ANO8: variants seen among roughly 807,000 people sequenced by gnomAD.
The protein encoded by ANO8 is anoctamin 8, also known as anoctamin-8.
In ANO8, 67 loss-of-function variants were observed where a neutral mutation model predicts 120.4. The ratio of observed to expected loss-of-function variants is 0.56; its 90% CI spans 0.46 to 0.68. The LOEUF (loss-of-function observed/expected upper bound fraction) is 0.68, where lower values mean the gene tolerates loss of function less well. Among genes scored for constraint, ANO8 ranks in the 30% least tolerant of loss-of-function variants. The pLI, the probability that ANO8 is intolerant of heterozygous loss-of-function variation, is 0.00. For missense variants in ANO8, 1,526 were observed against 1,737.6 expected, an observed-to-expected ratio of 0.88 and a Z score of 2.16; for synonymous variants, 727 against 759.2, an observed-to-expected ratio of 0.96 and a Z score of 0.70.
At position 17,323,620 on chromosome 19, in the gene ANO8, G is replaced by T; in HGVS notation, c.3596C>A (p.Pro1199His). 8.1e-7 allele frequency: 1 copy of T among 1,237,280 alleles called. No homozygotes were observed. The highest frequency in any genetic ancestry group is 1.0e-6 in the Non-Finnish European group (1 of 983,674). 76.6% of individuals were successfully genotyped at this position (1,237,280 alleles called of 1,614,324 possible). The change falls in exon 18 of 18, where the codon CCC (proline) becomes CAC (histidine). Residue 1199 changes from proline (P) to histidine (H), a missense_variant. This residue lies in a region of ANO8 where 489 missense variants were observed against 548.6 expected (regional missense o/e 0.89). Coordinates refer to ENST00000159087, the MANE Select transcript of ANO8 (RefSeq NM_020959.3). The stretch of plus-strand genomic sequence containing the variant: ...ATCCGAGGTGGGCGGTAGCGGTGGG[G>T]GCGGGAGGCTGTAAAAGCTGGCGTC... ...PGDASFYSLP[P>H]PPLPPTSDPL...
At position 17,328,365 on chromosome 19, in the gene ANO8, G is replaced by C; in HGVS notation, c.2023C>G (p.Pro675Ala). Residue 675 changes from proline to alanine, a missense_variant, in exon 13 of 18, where the codon CCG becomes GCG. This residue lies in a region of ANO8 where 467 missense variants were observed against 425.8 expected (regional missense o/e 1.10). Coordinates refer to ENST00000159087, the MANE Select transcript of ANO8 (RefSeq NM_020959.3). ...GAPGSPEREP[P>A]AILFRRAGGE... ...CCGGCCCGGCGGAACAAGATGGCCG[G>C]GGGCTCCCGTTCAGGGCTGCCGGGA... 6.3e-7 allele frequency: 1 copy of C among 1,575,616 alleles called. No homozygotes were observed. Among genetic ancestry groups the C allele is most frequent in the Admixed American group, 1.8e-5 (1 of 54,706 alleles).
rs117413376 is a variant in ANO8 at position 17,331,587 on chromosome 19, G to A, written c.587-176C>T. On this transcript the variant is annotated intron_variant, in intron 5 of 17. Transcript: ENST00000159087. Reference sequence around the variant, plus strand: ...ATCTGATTCTCCTTCAGAAATTGTAGGTGCAGGGGCAGGCGGGGAGAATGT... The same window carrying A: ...ATCTGATTCTCCTTCAGAAATTGTAAGTGCAGGGGCAGGCGGGGAGAATGT... 6.4e-3 allele frequency among the ~76,000 whole-genome samples: 979 copies of A among 152,216 alleles called. 5 individuals carry two copies. The highest frequency in any genetic ancestry group is 9.9e-3 in the Non-Finnish European group (674 of 68,014).
At chr19:17,329,347 GC>G in intron 12 of ANO8, 1 of 339,916 alleles carries the variant, frequency 2.9e-6, no homozygotes, top group Non-Finnish European at 5.4e-6. Context: ...GGCGCGCCAG[GC>G]CCCCAGCACA....
chr19:17,329,277 T>C (rs1216081081), intron 12 of ANO8: 5 of 391,978 alleles, frequency 1.3e-5, no homozygotes, highest in Non-Finnish European at 2.3e-5. Context: ...CCCAGCCGCC[T>C]GCACCTGCTT....
chr19:17,333,840 G>T lies in ANO8; in HGVS notation c.107-40C>A. ...AGCAGGCCCGGGTCAGGCCACTCTG[G>T]GATCCGGACCCGGCCTCCAGTCTTG... On this transcript the variant is annotated intron_variant, in intron 1 of 17. Coordinates refer to ENST00000159087, the MANE Select transcript of ANO8 (RefSeq NM_020959.3). This position sits in a 1 kb window ranked among gnomAD's most constrained non-coding sequence, Gnocchi z 7.2. The T allele has an allele frequency of 6.6e-7, 1 of 1,526,532 alleles. No homozygotes were observed. The highest frequency in any genetic ancestry group is 8.9e-7 in the Non-Finnish European group (1 of 1,125,164). 94.6% of individuals were successfully genotyped at this position (1,526,532 alleles called of 1,614,324 possible). A position where few individuals can be genotyped will look rare whatever the true frequency, so the allele number is the denominator to read the frequency against.
intron 5 of ANO8, among the ~76,000 whole-genome samples, chr19:17,331,931 CTTTTT>C (rs71180396): frequency 1.0e-4 from 8 of 78,596 alleles, no homozygotes; most frequent in Admixed American, 4.8e-4. Flanking sequence ...CCGCGCCCGG[CTTTTT>C]TTTTTTTTTT....
Position 17,334,838 on chromosome 19 carries a change from C to G in ANO8, c.-168G>C, listed in dbSNP as rs891874878. On this transcript the variant is annotated 5_prime_UTR_variant, in exon 1 of 18. Coordinates refer to ENST00000159087, the MANE Select transcript of ANO8 (RefSeq NM_020959.3). ...CCGAGCGCTGCTTCTCGTCCCCGCC[C>G]GAGCCGAACCTCGATTCTCCTTCCC... 10 of 1,286,448 alleles carry G rather than the reference C, an allele frequency of 7.8e-6. No individual in the cohort carries two copies. Among genetic ancestry groups the G allele is most frequent in the Non-Finnish European group, 9.3e-6 (9 of 969,340 alleles). 79.7% of individuals were successfully genotyped at this position (1,286,448 alleles called of 1,614,324 possible). A position where few individuals can be genotyped will look rare whatever the true frequency, so the allele number is the denominator to read the frequency against.
chr19:17,330,108 C>T lies in ANO8; in HGVS notation c.1273+17G>A. 1 of 1,613,968 alleles carries T rather than the reference C, an allele frequency of 6.2e-7. No homozygotes were observed. The highest frequency in any genetic ancestry group is 8.5e-7 in the Non-Finnish European group (1 of 1,179,986). ...CAGTGGAGACCTTCCTCCCAGAGACCCCCTGGCAGGTCGTACCCATGTCAT... is the reference window on the plus strand; with the variant it reads ...CAGTGGAGACCTTCCTCCCAGAGACTCCCTGGCAGGTCGTACCCATGTCAT... On this transcript the variant is annotated intron_variant, in intron 10 of 17. Coordinates refer to ENST00000159087, the MANE Select transcript of ANO8 (RefSeq NM_020959.3).
Position 17,323,616 on chromosome 19 carries a change from T to C in ANO8, c.3600A>G (p.Pro1200=). 1.2e-6 allele frequency: 1 copy of C among 805,736 alleles called. No homozygotes were observed. The highest frequency in any genetic ancestry group is 1.5e-4 in the East Asian group (1 of 6,590). 49.9% of individuals were successfully genotyped at this position (805,736 alleles called of 1,614,324 possible). A position where few individuals can be genotyped will look rare whatever the true frequency, so the allele number is the denominator to read the frequency against. Reference sequence around the variant, plus strand: ...GGGGATCCGAGGTGGGCGGTAGCGGTGGGGGCGGGAGGCTGTAAAAGCTGG... The same window carrying C: ...GGGGATCCGAGGTGGGCGGTAGCGGCGGGGGCGGGAGGCTGTAAAAGCTGG... ...GDASFYSLPP[P]PLPPTSDPLE... Residue 1200 remains proline (P), a synonymous_variant, in exon 18 of 18, where the codon CCA becomes CCG. Coordinates refer to ENST00000159087, the MANE Select transcript of ANO8 (RefSeq NM_020959.3).
rs1182582920 is a variant in ANO8 at position 17,334,751 on chromosome 19, G to T, written c.-81C>A. 1 of 1,235,904 alleles carries T rather than the reference G, an allele frequency of 8.1e-7. No individual in the cohort carries two copies. The highest frequency in any genetic ancestry group is 1.1e-6 in the Non-Finnish European group (1 of 949,770). 76.6% of individuals were successfully genotyped at this position (1,235,904 alleles called of 1,614,324 possible). On this transcript the variant is annotated 5_prime_UTR_variant, in exon 1 of 18. Coordinates refer to ENST00000159087, the MANE Select transcript of ANO8 (RefSeq NM_020959.3). Reference sequence around the variant, plus strand: ...GGCTCATGGGGCCGGTGCAGCCGCGGAGCGCGCGGGAGGAGGAGACAAAGG... The same window carrying T: ...GGCTCATGGGGCCGGTGCAGCCGCGTAGCGCGCGGGAGGAGGAGACAAAGG...
intron 16 of ANO8, among the ~76,000 whole-genome samples, chr19:17,326,521 A>C (rs2074274609): frequency 6.6e-6 from 1 of 152,154 alleles, no homozygotes; most frequent in Non-Finnish European, 1.5e-5. Flanking sequence ...AGAAAAAACA[A>C]AAACAAAAAC....
intron 5 of ANO8, 86 bp downstream of exon 5, chr19:17,332,844 C>T (rs560355915): frequency 1.5e-4 from 224 of 1,491,372 alleles, no homozygotes; most frequent in Non-Finnish European, 1.9e-4. Context: ...TGGATCTGGG[C>T]CCCGCCCTCC....
rs775411154 is a variant in ANO8, at chr19:17,327,770, C to G, written c.2337G>C (p.Glu779Asp). The G allele has an allele frequency of 2.5e-6, 4 of 1,614,186 alleles. No individual in the cohort carries two copies. The Admixed American group carries it at 5.0e-5, about 20-fold the overall frequency. The change falls in exon 14 of 18, where the codon GAG becomes GAC. Residue 779 changes from glutamate (E) to aspartate (D), a missense_variant. Transcript: ENST00000159087. ...ALCALVNNLI[E>D]IRSDAFKLCT... ...ACAGCTTGAAGGCGTCGCTGCGGAT[C>G]TCAATGAGGTTGTTGACCAGGGCGC...
intron 16 of ANO8, among the ~76,000 whole-genome samples, chr19:17,325,619 A>T (rs1254933450): frequency 6.6e-6 from 1 of 152,184 alleles, no homozygotes; most frequent in Non-Finnish European, 1.5e-5. Context: ...TCTCTGTGGA[A>T]ATGAGGGAGG....
chr19:17,333,532 C>T lies in ANO8; in HGVS notation c.240G>A (p.Leu80=), dbSNP rs200602095. ...CGCGGATGTGGTTCAGCAGCCATAG[C>T]AGCGTGTGGTCATCGGTCGTGTCTG... ...TFPDTTDDHT[L]LWLLNHIRVG... The change falls in exon 3 of 18, where the codon CTG becomes CTA. Residue 80 remains leucine (L), a synonymous_variant. Transcript: ENST00000159087. The surrounding 1 kb of genome is among the most constrained non-coding windows in gnomAD (Gnocchi z 7.2). 2.9e-5 allele frequency: 46 copies of T among 1,613,010 alleles called. No homozygotes were observed. The highest frequency in any genetic ancestry group is 3.2e-5 in the Non-Finnish European group (38 of 1,179,984).
chr19:17,323,821 G>A lies in ANO8; in HGVS notation c.3395C>T (p.Pro1132Leu), dbSNP rs1314721693. Residue 1132 changes from proline (P) to leucine (L), a missense_variant, in exon 18 of 18, where the codon CCG becomes CTG. Pro to Leu is a moderately conservative substitution (Grantham distance 98, BLOSUM62 -3). Around this residue, in one of 8 missense-constraint regions of ANO8, gnomAD observed 489 missense variants for 548.6 expected, o/e 0.89. Transcript: ENST00000159087. ...CCGGGGCAGCGGCATTGGCGGCGGC[G>A]GCGCGGGGCTCCGGCTGCGGCGGGT... ...LRTRRSRSPA[P>L]PPPMPLPRPP... is the part of the protein sequence containing the mutation. 1 of 1,137,936 alleles carries A rather than the reference G, an allele frequency of 8.8e-7. No individual in the cohort carries two copies. Among genetic ancestry groups the A allele is most frequent in the Non-Finnish European group, 1.1e-6 (1 of 927,754 alleles). The allele number at this position is 1,137,936 out of a possible 1,614,324, so 70.5% of individuals were successfully genotyped here.
Position 17,324,991 on chromosome 19 carries a change from G to C in ANO8, c.3057C>G (p.Thr1019=). The C allele has an allele frequency of 6.2e-7, 1 of 1,613,066 alleles. No individual in the cohort carries two copies. Among genetic ancestry groups the C allele is most frequent in the African/African-American group, 1.3e-5 (1 of 75,050 alleles). ...PPAQSPTGSD[T]RLPAFLSFKF... ...TGAAGCTGAGGAAGGCAGGCAGGCG[G>C]GTGTCGCTGCCTGTGGGTGACTGGG... Residue 1019 remains threonine, a synonymous_variant, in exon 17 of 18, where the codon ACC becomes ACG. Coordinates refer to ENST00000159087, the MANE Select transcript of ANO8 (RefSeq NM_020959.3).
chr19:17,326,995 C>T (rs142578794), intron 16 of ANO8, among the ~76,000 whole-genome samples: 17 of 152,274 alleles, frequency 1.1e-4, no homozygotes, highest in East Asian at 7.7e-4. Flanking sequence ...AGTGCAGTGG[C>T]GCAATCATAG....
At chr19:17,331,531 T>G (rs181454158) in intron 5 of ANO8, 120 bp from the exon 6 acceptor site, 86 of 812,670 alleles carry the variant, frequency 1.1e-4, no homozygotes, top group Non-Finnish European at 6.8e-5. Flanking sequence ...CTAGAGCTCT[T>G]TCCAGGGGAG....
Sources: allele counts gnomAD v4.1 joint callset (sites outside exome capture counted in the v4.1 genomes callset), GRCh38; gene constraint gnomAD v4.1.1; regional missense constraint gnomAD v4.1.1; non-coding constraint Gnocchi (gnomAD v3.1); transcripts MANE v1.5; gene names NCBI Gene and HGNC (gene_info 2026-07-23, HGNC 2026-07-21).